The following EFHC2 variants were observed in gnomAD, a reference collection of about 807,000 sequenced individuals.
EFHC2 encodes EF-hand domain containing 2.
EFHC2 carries 18 observed loss-of-function variants against 52.7 expected under a neutral mutation model. The ratio of observed to expected loss-of-function variants is 0.34; its 90% CI spans 0.24 to 0.51. The LOEUF is 0.51. Among genes scored for constraint, EFHC2 ranks in the 20% least tolerant of loss-of-function variants. EFHC2 has a pLI of 0.97. For synonymous variants in EFHC2, 203 were observed against 204.1 expected, an observed-to-expected ratio of 0.99 and a Z score of 0.04; for missense variants, 513 against 562.5, an observed-to-expected ratio of 0.91 and a Z score of 0.89.
At chrX:44,287,649 C>A (rs1310904972) in intron 2 of EFHC2, among the ~76,000 whole-genome samples, 1 of 112,394 alleles carries the variant, frequency 8.9e-6, no homozygotes. Context: ...TCCATTGAAC[C>A]TCGAAGAATT....
intron 2 of EFHC2, among the ~76,000 whole-genome samples, chrX:44,286,588 C>T (rs1198391162): frequency 9.0e-6 from 1 of 111,609 alleles, no homozygotes; most frequent in East Asian, 2.8e-4. Context: ...TCCCTGTCCT[C>T]TGCAGCCTGC....
chrX:44,263,152 C>T (rs1296299426), intron 3 of EFHC2, among the ~76,000 whole-genome samples: 4 of 111,952 alleles, frequency 3.6e-5, no homozygotes, highest in African/African-American at 6.5e-5. Context: ...ACTCCAAGAA[C>T]AAAGAGAAAA....
At chrX:44,186,986 G>A (rs2036880255) in intron 11 of EFHC2, among the ~76,000 whole-genome samples, 1 of 106,695 alleles carries the variant, frequency 9.4e-6, no homozygotes. Context: ...AGGCATGGTA[G>A]CACATGCCTG....
chrX:44,154,882 G>A lies in EFHC2; in HGVS notation c.2149-5986C>T, dbSNP rs1426038103. 2.7e-5 allele frequency among the ~76,000 whole-genome samples: 3 copies of A among 111,358 alleles called. 1 individual carries two copies. The highest frequency in any genetic ancestry group is 5.6e-5 in the Non-Finnish European group (3 of 53,135). On this transcript the variant is annotated intron_variant, in intron 14 of 14. Transcript: ENST00000420999. ...CACTTAAATCTTTGTCTCCAAGTCT[G>A]CTTCTAGAGGAAGTCAGATGTAGAT...
intron 4 of EFHC2, among the ~76,000 whole-genome samples, chrX:44,260,828 C>T (rs1459678988): frequency 8.9e-6 from 1 of 112,213 alleles, no homozygotes; most frequent in Non-Finnish European, 1.9e-5. Context: ...GTGCAGTTCA[C>T]TGAAGACTCC....
chrX:44,217,969 T>C, intron 11 of EFHC2, among the ~76,000 whole-genome samples: 2 of 111,631 alleles, frequency 1.8e-5, no homozygotes, highest in Middle Eastern at 9.3e-3. Flanking sequence ...TATATACACC[T>C]ACTATGTACC....
chrX:44,297,459 C>T (rs1419140889), intron 2 of EFHC2, among the ~76,000 whole-genome samples: 2 of 110,211 alleles, frequency 1.8e-5, no homozygotes, highest in Non-Finnish European at 3.8e-5. Context: ...GGCACAGTGG[C>T]TCACACCTGT....
intron 11 of EFHC2, among the ~76,000 whole-genome samples, chrX:44,183,564 C>T (rs189532274): frequency 2.1e-4 from 23 of 111,798 alleles, no homozygotes; most frequent in African/African-American, 7.5e-4. Context: ...ACAGAGAGTC[C>T]GACACAAATG....
intron 3 of EFHC2, among the ~76,000 whole-genome samples, chrX:44,263,900 G>T (rs1181712121): frequency 9.0e-6 from 1 of 111,662 alleles, no homozygotes; most frequent in Non-Finnish European, 1.9e-5. Flanking sequence ...ACTTTGAATA[G>T]GAGTCCTATA....
At chrX:44,251,233 C>A in intron 4 of EFHC2, among the ~76,000 whole-genome samples, 1 of 49,506 alleles carries the variant, frequency 2.0e-5, no homozygotes, top group African/African-American at 1.0e-4. Context: ...AGTGAGACTC[C>A]ATCTCAAAAA....
chrX:44,285,774 A>T (rs907820714), intron 2 of EFHC2: 2 of 156,442 alleles, frequency 1.3e-5, no homozygotes, highest in Non-Finnish European at 2.7e-5. Context: ...TGCACCACGC[A>T]TATCCCAGAG....
chrX:44,209,019 C>CTGTGTGTG lies in EFHC2; in HGVS notation c.1751+20622_1751+20629dup, dbSNP rs753101565. ...GCATGATACTGGGTTGATTGGCAAT[C>CTGTGTGTG]TGTGTGTGTGTGTGTGTGTGTGTGT... On this transcript the variant is annotated intron_variant, in intron 11 of 14. Coordinates refer to ENST00000420999, the MANE Select transcript of EFHC2 (RefSeq NM_025184.4). Among the ~76,000 whole-genome samples, 17 of 69,988 alleles carry CTGTGTGTG rather than the reference C, an allele frequency of 2.4e-4. 1 individual carries two copies. The highest frequency in any genetic ancestry group is 4.3e-4 in the Non-Finnish European group (15 of 35,283). The allele number at this position is 69,988 out of a possible 115,157, so 60.8% of individuals were successfully genotyped here. A position where few individuals can be genotyped will look rare whatever the true frequency, so the allele number is the denominator to read the frequency against.
chrX:44,295,564 C>T (rs769089157), intron 2 of EFHC2, among the ~76,000 whole-genome samples: 1 of 111,223 alleles, frequency 9.0e-6, no homozygotes, highest in South Asian at 3.8e-4. Context: ...AGAAAGTTAA[C>T]TCTGTAGCAG....
At position 44,278,283 on chromosome X, in the gene EFHC2, G is replaced by A. The variant is rs377247063; in HGVS notation, c.232-5447C>T. Among the ~76,000 whole-genome samples, 6 of 112,145 alleles carry A rather than the reference G, an allele frequency of 5.4e-5. No individual in the cohort carries two copies. The South Asian group carries it at 2.2e-3, about 42-fold the overall frequency. On this transcript the variant is annotated intron_variant, in intron 2 of 14. Transcript: ENST00000420999. ...CCAGCTACTCAGGAGGCTGAGGCAGGAGAATCACTTGAGCCTGGGAGGTGG... is the reference window on the plus strand; with the variant it reads ...CCAGCTACTCAGGAGGCTGAGGCAGAAGAATCACTTGAGCCTGGGAGGTGG...
At chrX:44,152,355 T>C (rs1318674419) in intron 14 of EFHC2, among the ~76,000 whole-genome samples, 5 of 111,958 alleles carry the variant, frequency 4.5e-5, no homozygotes, top group African/African-American at 1.3e-4. Context: ...TATAATAACC[T>C]GGGCAGTGGA....
chrX:44,152,058 A>T, intron 14 of EFHC2, among the ~76,000 whole-genome samples: 1 of 112,066 alleles, frequency 8.9e-6, no homozygotes, highest in Middle Eastern at 4.6e-3. Flanking sequence ...AATTTCAGAG[A>T]TGATTTATGA....
At chrX:44,249,714 T>C (rs2037427676) in intron 5 of EFHC2, among the ~76,000 whole-genome samples, 1 of 112,450 alleles carries the variant, frequency 8.9e-6, no homozygotes, top group Non-Finnish European at 1.9e-5. Flanking sequence ...GACTAGTTGC[T>C]ACATTCAGAA....
intron 1 of EFHC2, among the ~76,000 whole-genome samples, chrX:44,333,488 A>G (rs2038100176): frequency 9.0e-6 from 1 of 111,689 alleles, no homozygotes; most frequent in Non-Finnish European, 1.9e-5. Context: ...GTTTCCCATT[A>G]TGGAAAAGAA....
chrX:44,283,380 C>CACCGTGTT, intron 2 of EFHC2, among the ~76,000 whole-genome samples: 1 of 111,288 alleles, frequency 9.0e-6, no homozygotes, highest in African/African-American at 3.3e-5. Context: ...GACGGGGTTT[C>CACCGTGTT]ACCGTGTTAG....
Sources: gnomAD v4.1 joint callset for allele counts (sites outside exome capture counted in the v4.1 genomes callset) on GRCh38, gnomAD v4.1.1 for gene constraint, MANE v1.5 for transcripts, NCBI Gene and HGNC (gene_info 2026-07-23, HGNC 2026-07-21) for gene names.